Variants in THBS4 observed in about 807,000 individuals in gnomAD.
THBS4 encodes thrombospondin 4, also known as thrombospondin-4.
Under a neutral mutation model 115.7 loss-of-function variants are expected in THBS4, and 90 were observed. That is an observed-to-expected ratio of 0.78 (90% confidence interval 0.66 to 0.93). The LOEUF (loss-of-function observed/expected upper bound fraction) is 0.93. THBS4 is among the 40% of genes least tolerant of loss of function. The pLI, the probability that THBS4 is intolerant of heterozygous loss-of-function variation, is 0.00. For missense variants in THBS4, 1,087 were observed against 1,232.7 expected (o/e 0.88, Z 1.77); for synonymous variants, 460 against 479.3 (o/e 0.96, Z 0.53).
chr5:80,022,031 C>T (rs767984901), intron 2 of THBS4, among the ~76,000 whole-genome samples: 1 of 152,102 alleles, frequency 6.6e-6, no homozygotes, highest in Admixed American at 6.6e-5. Flanking sequence ...GAGGGTGCGA[C>T]TCCTGATGTC....
At position 80,040,272 on chromosome 5, in the gene THBS4, TAAAC is replaced by T; in HGVS notation, c.288_291del (p.Asn96LysfsTer7). The T allele has an allele frequency of 6.2e-7, 1 of 1,612,188 alleles. No individual in the cohort carries two copies. Among genetic ancestry groups the T allele is most frequent in the Non-Finnish European group, 8.5e-7 (1 of 1,178,792 alleles). ...TTTGAATTTACTGTGATGGGACGCT[TAAAC>T]AAAGGTAAGCAAATTTGCTGAAATT... On this transcript the variant is annotated frameshift_variant, in exon 2 of 22. Transcript: ENST00000350881. LOFTEE classifies it high-confidence loss of function.
At chr5:80,047,370 G>A (rs777042867) in intron 2 of THBS4, among the ~76,000 whole-genome samples, 8 of 151,942 alleles carry the variant, frequency 5.3e-5, no homozygotes, top group South Asian at 2.1e-4. Context: ...TCTGGACCCC[G>A]TTTTTTTGTT....
chr5:80,054,159 C>CTT (rs757155578), intron 2 of THBS4, among the ~76,000 whole-genome samples: 31,001 of 88,222 alleles, frequency 0.35, 3,805 homozygotes, highest in African/African-American at 0.43. Context: ...CTTTTCTTTT[C>CTT]TTTTTTTTTT....
intron 2 of THBS4, among the ~76,000 whole-genome samples, chr5:80,026,375 G>A (rs1832476397): frequency 1.3e-5 from 2 of 152,172 alleles, no homozygotes; most frequent in Admixed American, 6.5e-5. Context: ...AAGAAAAGAA[G>A]CCCACTAATA....
chr5:80,020,529 A>G (rs1236353388), intron 2 of THBS4, among the ~76,000 whole-genome samples: 2 of 152,194 alleles, frequency 1.3e-5, no homozygotes, highest in Non-Finnish European at 2.9e-5. Context: ...TGTGTCCATT[A>G]GAGCCAGAAC....
rs542080774 is a variant in THBS4 at position 80,059,471 on chromosome 5, T to C, written c.764T>C (p.Ile255Thr). 2.0e-4 allele frequency: 326 copies of C among 1,614,068 alleles called. No individual in the cohort carries two copies. Among genetic ancestry groups the C allele is most frequent in the Non-Finnish European group, 2.6e-4 (306 of 1,180,000 alleles). Residue 255 changes from isoleucine to threonine, a missense_variant, in exon 6 of 22, where the codon ATA becomes ACA. Around this residue, in one of 3 missense-constraint regions of THBS4, gnomAD observed 979 missense variants for 1,103.7 expected, o/e 0.89. Coordinates refer to ENST00000350881, the MANE Select transcript of THBS4 (RefSeq NM_003248.6). ...GAAACATCATTTTTGCGAAACACCATAGCTGAATGCCAGGCTTGCGGTAAG... is the reference window on the plus strand; with the variant it reads ...GAAACATCATTTTTGCGAAACACCACAGCTGAATGCCAGGCTTGCGGTAAG... ...VKETSFLRNT[I>T]AECQACGPLK...
intron 2 of THBS4, among the ~76,000 whole-genome samples, chr5:80,030,295 G>A (rs960697168): frequency 2.6e-5 from 4 of 152,124 alleles, no homozygotes; most frequent in African/African-American, 9.6e-5. Context: ...AACCTCCTGG[G>A]CCCAAGCAAT....
At chr5:80,073,460 T>G in intron 15 of THBS4, 133 bp downstream of exon 15, 1 of 771,734 alleles carries the variant, frequency 1.3e-6, no homozygotes, top group East Asian at 2.7e-5. Context: ...CTCGGCTCAC[T>G]GCAAGCTCCG....
rs773591382 is a variant in THBS4 at position 80,077,018 on chromosome 5, G to A, written c.2056G>A (p.Val686Ile). 1.6e-5 allele frequency: 25 copies of A among 1,610,778 alleles called. No individual in the cohort carries two copies. The highest frequency in any genetic ancestry group is 3.3e-4 in the Middle Eastern group (2 of 6,026). ...VPPGPDNCRLVPNPAQEDSNS... is the reference protein window; with the variant it reads ...VPPGPDNCRLIPNPAQEDSNS... Reference sequence around the variant, plus strand: ...CCCTGGACCAGACAACTGCCGGCTGGTCCCCAACCCAGCCCAGGAGGATAG... The same window carrying A: ...CCCTGGACCAGACAACTGCCGGCTGATCCCCAACCCAGCCCAGGAGGATAG... Residue 686 changes from valine to isoleucine, a missense_variant, in exon 16 of 22, where the codon GTC becomes ATC. Transcript: ENST00000350881.
chr5:80,065,301 AT>A, intron 8 of THBS4, 107 bp from the exon 9 acceptor site: 4 of 953,586 alleles, frequency 4.2e-6, no homozygotes, highest in Non-Finnish European at 6.5e-6. Flanking sequence ...TCTACCCGAA[AT>A]TCCGCATCTT....
rs558035613 is a variant in THBS4 at position 80,018,491 on chromosome 5, T to C, written n.177+20064T>C. 1.5e-3 allele frequency among the ~76,000 whole-genome samples: 228 copies of C among 148,636 alleles called. 1 individual carries two copies. The highest frequency in any genetic ancestry group is 5.5e-3 in the African/African-American group (217 of 39,694). On this transcript the variant is annotated intron_variant and non_coding_transcript_variant, in intron 2 of 3. Coordinates refer to the THBS4 transcript ENST00000510218. Reference sequence around the variant, plus strand: ...CTCACTGCAACCTCTGCCTCCTGGGTTCAATTGATTCTCCTGCCTCAGCCT... The same window carrying C: ...CTCACTGCAACCTCTGCCTCCTGGGCTCAATTGATTCTCCTGCCTCAGCCT...
At chr5:80,001,679 G>A (rs986852637) in intron 2 of THBS4, among the ~76,000 whole-genome samples, 1 of 152,166 alleles carries the variant, frequency 6.6e-6, no homozygotes, top group Non-Finnish European at 1.5e-5. Flanking sequence ...ATGGAATAGA[G>A]CAATAGTATA....
chr5:80,077,932 T>C, intron 16 of THBS4, 117 bp from the exon 17 acceptor site: 2 of 869,768 alleles, frequency 2.3e-6, no homozygotes, highest in Admixed American at 3.3e-5. Context: ...TGGGAAATCA[T>C]GGCCCTGGTT....
intron 1 of THBS4, among the ~76,000 whole-genome samples, chr5:79,993,242 G>T (rs758254351): frequency 2.0e-5 from 3 of 152,194 alleles, no homozygotes; most frequent in Non-Finnish European, 4.4e-5. Flanking sequence ...TCTGATGAAA[G>T]AATCCTTACA....
chr5:80,033,155 C>T, upstream of THBS4: 2 of 391,584 alleles, frequency 5.1e-6, no homozygotes, highest in South Asian at 2.2e-5. Context: ...GAAAAACTGG[C>T]ACCTGGCATG....
intron 2 of THBS4, among the ~76,000 whole-genome samples, chr5:80,050,744 G>C (rs380747): frequency 0.55 from 83,440 of 152,140 alleles, 23,342 homozygotes; most frequent in African/African-American, 0.65. Context: ...CAGAGTCAAA[G>C]CATCTACTGA....
intron 7 of THBS4, among the ~76,000 whole-genome samples, chr5:80,060,340 A>C (rs1253851462): frequency 6.6e-6 from 1 of 152,186 alleles, no homozygotes; most frequent in Non-Finnish European, 1.5e-5. Flanking sequence ...TCTCACACCA[A>C]CAAGGGGGAG....
At chr5:80,082,079 AGGTTTGGTTT>A in intron 20 of THBS4, 1 of 253,188 alleles carries the variant, frequency 3.9e-6, no homozygotes, top group East Asian at 7.9e-5. Flanking sequence ...TCAAGATAGC[AGGTTTGGTTT>A]GGTTTGATTT....
intron 2 of THBS4, among the ~76,000 whole-genome samples, chr5:80,044,822 A>G (rs1833012301): frequency 6.6e-6 from 1 of 152,154 alleles, no homozygotes. Context: ...GTGATCTGCC[A>G]GGTTATGAGT....
Sources: allele counts gnomAD v4.1 joint callset (sites outside exome capture counted in the v4.1 genomes callset), GRCh38; gene constraint gnomAD v4.1.1; regional missense constraint gnomAD v4.1.1; transcripts MANE v1.5; gene names NCBI Gene and HGNC (gene_info 2026-07-23, HGNC 2026-07-21).